Variants in ABCC1 observed in about 807,000 individuals in gnomAD.
ABCC1 encodes multidrug resistance-associated protein 1.
In ABCC1, 83 loss-of-function variants were observed where a neutral mutation model predicts 172.9. The observed-to-expected ratio is 0.48, with a 90% CI of 0.40 to 0.58. ABCC1 has a LOEUF of 0.58. Among genes scored for constraint, ABCC1 ranks in the 20% least tolerant of loss-of-function variants. The probability of loss-of-function intolerance (pLI) is 0.00; values close to 1 mark genes in which losing one functional copy is unlikely to be tolerated. For missense variants in ABCC1, 1,817 were observed against 2,002.7 expected (o/e 0.91, Z 1.77); for synonymous variants, 937 against 825.2 (o/e 1.14, Z -2.32).
intron 24 of ABCC1, among the ~76,000 whole-genome samples, chr16:16,123,754 G>C (rs184002885): frequency 6.6e-6 from 1 of 152,348 alleles, no homozygotes; most frequent in Admixed American, 6.5e-5. Flanking sequence ...GTTGACACCT[G>C]TAATCTCAGC....
At chr16:16,125,220 C>G (rs2045377380) in intron 25 of ABCC1, among the ~76,000 whole-genome samples, 1 of 152,180 alleles carries the variant, frequency 6.6e-6, no homozygotes, top group Non-Finnish European at 1.5e-5. Context: ...TTAGCTGCAT[C>G]TCACAAATGA....
intron 10 of ABCC1, 55 bp downstream of exon 10, chr16:16,048,358 G>T: frequency 1.3e-6 from 2 of 1,599,126 alleles, no homozygotes; most frequent in South Asian, 1.1e-5. Flanking sequence ...CTACGTGTGG[G>T]CAGTGGGCCG....
At chr16:16,069,429 A>T (rs2050247925) in intron 13 of ABCC1, among the ~76,000 whole-genome samples, 1 of 151,816 alleles carries the variant, frequency 6.6e-6, no homozygotes, top group Non-Finnish European at 1.5e-5. Flanking sequence ...TAGAATCTCT[A>T]AAATTCCTGC....
intron 12 of ABCC1, among the ~76,000 whole-genome samples, chr16:16,058,066 C>T (rs908646735): frequency 6.6e-6 from 1 of 152,070 alleles, no homozygotes; most frequent in African/African-American, 2.4e-5. Context: ...ATGATCCATG[C>T]TACACTGAAA....
intron 19 of ABCC1, among the ~76,000 whole-genome samples, chr16:16,092,259 A>ACAAAT (rs1300035087): frequency 1.3e-5 from 2 of 152,154 alleles, no homozygotes; most frequent in Non-Finnish European, 1.5e-5. Context: ...ACAAAACAAA[A>ACAAAT]CAAAAATTCA....
intron 1 of ABCC1, among the ~76,000 whole-genome samples, chr16:15,954,210 A>G (rs762776): frequency 0.79 from 119,886 of 151,706 alleles, 47,469 homozygotes; most frequent in Non-Finnish European, 0.81. Flanking sequence ...CAAAACCCCC[A>G]TAGAGACGGG....
At position 16,114,120 on chromosome 16, in the gene ABCC1, G is replaced by C. The variant is rs74965206; in HGVS notation, c.3080-646G>C. Among the ~76,000 whole-genome samples, 34 of 152,316 alleles carry C rather than the reference G, an allele frequency of 2.2e-4. No homozygotes were observed. In the East Asian group the frequency reaches 4.1e-3, roughly 18 times the overall value. On this transcript the variant is annotated intron_variant, in intron 22 of 30. Coordinates refer to ENST00000399410, the MANE Select transcript of ABCC1 (RefSeq NM_004996.4). ...ATGGCATGGGGATTAAGAGCAGGCT[G>C]TCTGGATTAAAATCCCAGTTCTGCT...
chr16:16,094,913 G>A (rs983946980), intron 19 of ABCC1, among the ~76,000 whole-genome samples: 7 of 150,792 alleles, frequency 4.6e-5, no homozygotes, highest in African/African-American at 1.7e-4. Context: ...CACCTCCCGG[G>A]TTCAAGAAAT....
At chr16:16,131,588 G>A (rs1309743827) in intron 26 of ABCC1, among the ~76,000 whole-genome samples, 2 of 151,954 alleles carry the variant, frequency 1.3e-5, no homozygotes, top group African/African-American at 4.8e-5. Flanking sequence ...AGGGCTGAGA[G>A]GGTGCTCTGT....
At chr16:16,084,084 C>A (rs528808634) in intron 17 of ABCC1, among the ~76,000 whole-genome samples, 1 of 152,046 alleles carries the variant, frequency 6.6e-6, no homozygotes, top group African/African-American at 2.4e-5. Flanking sequence ...TTTTCTCTTT[C>A]TTTTCTTTCT....
intron 15 of ABCC1, 148 bp downstream of exon 15, chr16:16,076,549 A>T (rs559150953): frequency 1.4e-6 from 1 of 700,394 alleles, no homozygotes; most frequent in Non-Finnish European, 2.3e-6. Flanking sequence ...CATCTGGACA[A>T]TGGGTGCAGA....
At chr16:16,002,253 A>G (rs1247894375) in intron 1 of ABCC1, among the ~76,000 whole-genome samples, 1 of 152,198 alleles carries the variant, frequency 6.6e-6, no homozygotes, top group African/African-American at 2.4e-5. Flanking sequence ...AGTACGGAAC[A>G]TTATGTAACG....
intron 12 of ABCC1, among the ~76,000 whole-genome samples, chr16:16,066,284 C>T (rs1355948854): frequency 6.6e-6 from 1 of 151,948 alleles, no homozygotes. Flanking sequence ...TAGGTTCAAG[C>T]GATTCTCCTG....
intron 30 of ABCC1, 62 bp downstream of exon 30, chr16:16,138,620 CA>C: frequency 2.3e-6 from 3 of 1,279,152 alleles, no homozygotes; most frequent in Non-Finnish European, 3.1e-6. Flanking sequence ...CTGGCTCACT[CA>C]TTAATTCATT....
intron 19 of ABCC1, among the ~76,000 whole-genome samples, chr16:16,093,293 G>C (rs1217397739): frequency 6.6e-6 from 1 of 151,928 alleles, no homozygotes; most frequent in African/African-American, 2.4e-5. Context: ...TGAATCTTTT[G>C]CCCAGCGTGA....
rs201271027 is a variant in ABCC1 at position 16,090,641 on chromosome 16, G to C, written c.2644+53G>C. ...CTCAGGGTGTCTGGCACCTTGAAGG[G>C]CCACATTGGCCTCTTTGAGGTTGCC... On this transcript the variant is annotated intron_variant, in intron 19 of 30. Transcript: ENST00000399410. The C allele has an allele frequency of 9.9e-5, 147 of 1,485,928 alleles. No individual in the cohort carries two copies. In the East Asian group the frequency reaches 3.4e-3, roughly 35 times the overall value. 92.0% of individuals were successfully genotyped at this position (1,485,928 alleles called of 1,614,324 possible). A position where few individuals can be genotyped will look rare whatever the true frequency, so the allele number is the denominator to read the frequency against.
intron 28 of ABCC1, 60 bp downstream of exon 28, chr16:16,134,568 G>C: frequency 6.3e-7 from 1 of 1,579,824 alleles, no homozygotes; most frequent in African/African-American, 1.3e-5. Context: ...TGATTGCACT[G>C]ACAGTGGTGT....
intron 5 of ABCC1, among the ~76,000 whole-genome samples, chr16:16,027,444 G>C (rs780592661): frequency 6.6e-6 from 1 of 152,144 alleles, no homozygotes; most frequent in Non-Finnish European, 1.5e-5. Flanking sequence ...ATCTGGTATA[G>C]TGGTGTATTG....
rs34914361 is a variant in ABCC1 at position 15,966,409 on chromosome 16, T to TAAA, written c.48+16624_48+16626dup. Among the ~76,000 whole-genome samples, 172 of 138,910 alleles carry TAAA rather than the reference T, an allele frequency of 1.2e-3. 1 individual carries two copies. Among genetic ancestry groups the TAAA allele is most frequent in the African/African-American group, 2.4e-3 (88 of 37,284 alleles). 91.1% of individuals were successfully genotyped at this position (138,910 alleles called of 152,430 possible). ...CCTGGGTGACAGAGAGACTTTATCT[T>TAAA]AAAAAAAAAAAAAAAAGTCAGGCTT... On this transcript the variant is annotated intron_variant, in intron 1 of 30. Transcript: ENST00000399410.
Sources: allele counts gnomAD v4.1 joint callset (sites outside exome capture counted in the v4.1 genomes callset), GRCh38; gene constraint gnomAD v4.1.1; transcripts MANE v1.5; gene names NCBI Gene and HGNC (gene_info 2026-07-23, HGNC 2026-07-21).